Variants in XIRP1 observed in about 807,000 individuals in gnomAD.
The protein encoded by XIRP1 is xin actin-binding repeat-containing protein 1.
For missense variants in XIRP1, 2,378 were observed against 2,345.4 expected (o/e 1.01, Z -0.29); for synonymous variants, 984 against 947.0 (o/e 1.04, Z -0.72).
chr3:39,185,892 G>C lies in XIRP1; in HGVS notation c.3554C>G (p.Pro1185Arg). The change falls in exon 2 of 2, where the codon CCA (proline) becomes CGA (arginine). Residue 1185 changes from proline to arginine, a missense_variant. By Grantham distance (103) the Pro-to-Arg change is moderately radical. Coordinates refer to ENST00000340369, the MANE Select transcript of XIRP1 (RefSeq NM_194293.4). ...CCGCCCTGGCCCAGTACTCTGACCT[G>C]GGCCTCCCTGGAGTGGGCGGGGAGC... ...VQAPRPLQGGPGQSTGPGREE... is the reference protein window; with the variant it reads ...VQAPRPLQGGRGQSTGPGREE... 1 of 1,613,542 alleles carries C rather than the reference G, an allele frequency of 6.2e-7. No homozygotes were observed. Among genetic ancestry groups the C allele is most frequent in the Non-Finnish European group, 8.5e-7 (1 of 1,179,734 alleles).
rs373545377 is a variant in XIRP1 at position 39,186,238 on chromosome 3, G to T, written c.3208C>A (p.Gln1070Lys). 2.0e-5 allele frequency: 33 copies of T among 1,613,708 alleles called. No individual in the cohort carries two copies. The highest frequency in any genetic ancestry group is 2.7e-5 in the Non-Finnish European group (32 of 1,179,924). Residue 1070 changes from glutamine to lysine, a missense_variant, in exon 2 of 2, where the codon CAG becomes AAG. Coordinates refer to ENST00000340369, the MANE Select transcript of XIRP1 (RefSeq NM_194293.4). ...TGCTTGTGCTTGTTCAGAACTTGCT[G>T]GTGCAGGCTCTGGGCTTCAGCTGTT... ...MATAEAQSLH[Q>K]QVLNKHKQGP...
At position 39,183,830 on chromosome 3, in the gene XIRP1, G is replaced by A. The variant is rs932593406; in HGVS notation, c.*84C>T. 2.7e-6 allele frequency: 4 copies of A among 1,490,986 alleles called. No individual in the cohort carries two copies. The African/African-American group carries it at 4.2e-5, about 16-fold the overall frequency. 92.4% of individuals were successfully genotyped at this position (1,490,986 alleles called of 1,614,324 possible). A position where few individuals can be genotyped will look rare whatever the true frequency, so the allele number is the denominator to read the frequency against. On this transcript the variant is annotated 3_prime_UTR_variant, in exon 2 of 2. Coordinates refer to ENST00000340369, the MANE Select transcript of XIRP1 (RefSeq NM_194293.4). ...CCATTTCCTCTTGGTCCTTGCTCCA[G>A]TGTACAGGAGGCAGGTACCCACTTC... is the stretch of plus-strand genomic sequence containing the variant.
chr3:39,188,487 C>T lies in XIRP1; in HGVS notation c.959G>A (p.Arg320Gln), dbSNP rs34001521. ...IFETQPLDAI[R>Q]EILVDEKDFQ... ...GTCCTTCTCATCTACCAAGATCTCC[C>T]GGATGGCATCCAGGGGCTGTGTCTC... Residue 320 changes from arginine to glutamine, a missense_variant, in exon 2 of 2, where the codon CGG becomes CAG. Physicochemically the swap from Arg to Gln is conservative, Grantham distance 43. Coordinates refer to ENST00000340369, the MANE Select transcript of XIRP1 (RefSeq NM_194293.4). The T allele has an allele frequency of 4.2e-4, 666 of 1,603,166 alleles. 3 individuals carry two copies. In the African/African-American group the frequency reaches 6.6e-3, roughly 16 times the overall value.
rs750661412 is a variant in XIRP1 at position 39,184,988 on chromosome 3, T to C, written c.4458A>G (p.Ala1486=). 16 of 1,522,882 alleles carry C rather than the reference T, an allele frequency of 1.1e-5. 1 individual carries two copies. The South Asian group carries it at 2.1e-4, about 20-fold the overall frequency. 94.3% of individuals were successfully genotyped at this position (1,522,882 alleles called of 1,614,324 possible). A position where few individuals can be genotyped will look rare whatever the true frequency, so the allele number is the denominator to read the frequency against. Residue 1486 remains alanine (A), a synonymous_variant, in exon 2 of 2, where the codon GCA becomes GCG. Transcript: ENST00000340369. ...GCAGGGCCTGCACGTCCACACTGCT[T>C]GCGGCCTCCTTCTCCAGGGCTTGCA... The part of the protein sequence containing the change: ...NQVQALEKEA[A]SSVDVQALRR...
Position 39,184,418 on chromosome 3 carries a change from C to A in XIRP1, c.5028G>T (p.Gln1676His), listed in dbSNP as rs367702095. 4 of 1,614,170 alleles carry A rather than the reference C, an allele frequency of 2.5e-6. No individual in the cohort carries two copies. The Admixed American group carries it at 6.7e-5, about 27-fold the overall frequency. Reference sequence around the variant, plus strand: ...TCTCTAGAGGCTTCCTTGTGGCCGACTGGATGGAGATAAATGTTGGGGAGG... The same window carrying A: ...TCTCTAGAGGCTTCCTTGTGGCCGAATGGATGGAGATAAATGTTGGGGAGG... ...SPSSPTFISI[Q>H]SATRKPLETP... The change falls in exon 2 of 2, where the codon CAG becomes CAT. Residue 1676 changes from glutamine (Q) to histidine (H), a missense_variant. Coordinates refer to ENST00000340369, the MANE Select transcript of XIRP1 (RefSeq NM_194293.4).
rs1325992395 is a variant in XIRP1 at position 39,185,959 on chromosome 3, C to T, written c.3487G>A (p.Glu1163Lys). ...GTCTCCCTGTGCCTTGACTGGGGTTCCCTCTGAGAAAGCTGGACACCCCCA... is the reference window on the plus strand; with the variant it reads ...GTCTCCCTGTGCCTTGACTGGGGTTTCCTCTGAGAAAGCTGGACACCCCCA... ...PPGGVQLSQR[E>K]PQSRHRETAL... The change falls in exon 2 of 2, where the codon GAA becomes AAA. Residue 1163 changes from glutamate (E) to lysine (K), a missense_variant. Glu to Lys is a moderately conservative substitution (Grantham distance 56). Coordinates refer to ENST00000340369, the MANE Select transcript of XIRP1 (RefSeq NM_194293.4). 1.9e-6 allele frequency: 3 copies of T among 1,614,054 alleles called. No homozygotes were observed. Among genetic ancestry groups the T allele is most frequent in the East Asian group, 4.5e-5 (2 of 44,878 alleles).
chr3:39,186,764 C>G lies in XIRP1; in HGVS notation c.2682G>C (p.Gly894=). 2 of 1,614,040 alleles carry G rather than the reference C, an allele frequency of 1.2e-6. No individual in the cohort carries two copies. The highest frequency in any genetic ancestry group is 1.7e-6 in the Non-Finnish European group (2 of 1,180,018). The part of the protein sequence containing the change: ...CGLGTSVART[G]LVMQETEQGL... The stretch of plus-strand genomic sequence containing the variant: ...CCTGCTCTGTCTCCTGCATCACCAG[C>G]CCAGTCCTTGCCACGGAGGTCCCAA... Residue 894 remains glycine (G), a synonymous_variant, in exon 2 of 2, where the codon GGG becomes GGC. Coordinates refer to ENST00000340369, the MANE Select transcript of XIRP1 (RefSeq NM_194293.4).
At position 39,184,895 on chromosome 3, in the gene XIRP1, CT is replaced by C; in HGVS notation, c.4550del (p.Lys1517SerfsTer13). 1 of 1,594,140 alleles carries C rather than the reference CT, an allele frequency of 6.3e-7. No individual in the cohort carries two copies. Among genetic ancestry groups the C allele is most frequent in the Non-Finnish European group, 8.6e-7 (1 of 1,168,060 alleles). On this transcript the variant is annotated frameshift_variant, in exon 2 of 2. Coordinates refer to ENST00000340369, the MANE Select transcript of XIRP1 (RefSeq NM_194293.4). LOFTEE classifies it low-confidence loss of function (END_TRUNC). ...AAPQAPAAHQ[K>X]PEASVEQAFG... is the part of the protein sequence containing the mutation. ...AGGCCTGCTCCACTGAGGCCTCGGG[CT>C]TTTGGTGGGCAGCAGGAGCCTGAGG...
chr3:39,184,289 A>G lies in XIRP1; in HGVS notation c.5157T>C (p.Thr1719=), dbSNP rs2039921118. 1 of 1,614,126 alleles carries G rather than the reference A, an allele frequency of 6.2e-7. No individual in the cohort carries two copies. Among genetic ancestry groups the G allele is most frequent in the Non-Finnish European group, 8.5e-7 (1 of 1,180,016 alleles). ...AGCACTGGGTGATGTCCTTCTTCCC[A>G]GTTTTGTCTTGGACACCTTTCTGGT... The part of the protein sequence containing the change: ...LLHQKGVQDK[T]GKKDITQCSV... Residue 1719 remains threonine (T), a synonymous_variant, in exon 2 of 2, where the codon ACT becomes ACC. Transcript: ENST00000340369.
Position 39,184,884 on chromosome 3 carries a change from G to A in XIRP1, c.4562C>T (p.Ser1521Leu), listed in dbSNP as rs1359836383. The A allele has an allele frequency of 1.3e-6, 2 of 1,598,960 alleles. No individual in the cohort carries two copies. The highest frequency in any genetic ancestry group is 4.5e-5 in the East Asian group (2 of 44,564). Residue 1521 changes from serine to leucine, a missense_variant, in exon 2 of 2, where the codon TCA becomes TTA. Coordinates refer to ENST00000340369, the MANE Select transcript of XIRP1 (RefSeq NM_194293.4). ...APAAHQKPEA[S>L]VEQAFGELTR... ...CAGCTCCCCAAAGGCCTGCTCCACT[G>A]AGGCCTCGGGCTTTTGGTGGGCAGC...
rs1309382826 is a variant in XIRP1 at position 39,187,211 on chromosome 3, G to C, written c.2235C>G (p.Ile745Met). 6.3e-7 allele frequency: 1 copy of C among 1,592,180 alleles called. No individual in the cohort carries two copies. Among genetic ancestry groups the C allele is most frequent in the South Asian group, 1.1e-5 (1 of 89,362 alleles). ...GCTCTTCCAGGAGGTTGCCCCCTTG[G>C]ATGCTCTCAGCTGCCAGGGAGCCCA... Reference protein sequence around the residue: ...CPMGSLAAESIQGGNLLEEQP... With the variant: ...CPMGSLAAESMQGGNLLEEQP... The change falls in exon 2 of 2, where the codon ATC becomes ATG. Residue 745 changes from isoleucine (I) to methionine (M), a missense_variant. Physicochemically the swap from Ile to Met is conservative, Grantham distance 10 (BLOSUM62 1). Coordinates refer to ENST00000340369, the MANE Select transcript of XIRP1 (RefSeq NM_194293.4).
chr3:39,188,597 C>T lies in XIRP1; in HGVS notation c.849G>A (p.Gln283=), dbSNP rs757222470. The change falls in exon 2 of 2, where the codon CAG becomes CAA. Residue 283 remains glutamine (Q), a synonymous_variant. Coordinates refer to ENST00000340369, the MANE Select transcript of XIRP1 (RefSeq NM_194293.4). The stretch of plus-strand genomic sequence containing the variant: ...GGATCACCCGCACCTGGCTGGGGTC[C>T]TGGTTGATGGCGTCCAGAGGCCGGG... ...FETRPLDAIN[Q]DPSQVRVIRG... 1.9e-6 allele frequency: 3 copies of T among 1,613,840 alleles called. No homozygotes were observed. Among genetic ancestry groups the T allele is most frequent in the Non-Finnish European group, 2.5e-6 (3 of 1,179,968 alleles).
chr3:39,185,067 C>G lies in XIRP1; in HGVS notation c.4379G>C (p.Ser1460Thr). The change falls in exon 2 of 2, where the codon AGC becomes ACC. Residue 1460 changes from serine (S) to threonine (T), a missense_variant. Transcript: ENST00000340369. Reference sequence around the variant, plus strand: ...CTGGTTTCTTTGCAGACTGTCAGGGCTCTCAGGGGCCCCTTGGTGGGAACC... The same window carrying G: ...CTGGTTTCTTTGCAGACTGTCAGGGGTCTCAGGGGCCCCTTGGTGGGAACC... The part of the protein sequence containing the change: ...MEGSHQGAPE[S>T]PDSLQRNQKE... The G allele has an allele frequency of 6.6e-7, 1 of 1,523,850 alleles. No individual in the cohort carries two copies. The highest frequency in any genetic ancestry group is 1.3e-5 in the South Asian group (1 of 75,068). 94.4% of individuals were successfully genotyped at this position (1,523,850 alleles called of 1,614,324 possible). A position where few individuals can be genotyped will look rare whatever the true frequency, so the allele number is the denominator to read the frequency against.
At position 39,187,687 on chromosome 3, in the gene XIRP1, G is replaced by A. The variant is rs547803562; in HGVS notation, c.1759C>T (p.Pro587Ser). The stretch of plus-strand genomic sequence containing the variant: ...CGGATGGTCTGCACATCGCCCTTTG[G>A]GGGTGCCTCAGGCTGGGGGTCTCCC... ...SQGDPQPEAP[P>S]KGDVQTIRWL... is the part of the protein sequence containing the mutation. Residue 587 changes from proline (P) to serine (S), a missense_variant, in exon 2 of 2, where the codon CCA becomes TCA. Coordinates refer to ENST00000340369, the MANE Select transcript of XIRP1 (RefSeq NM_194293.4). 1 of 1,614,032 alleles carries A rather than the reference G, an allele frequency of 6.2e-7. No individual in the cohort carries two copies. The highest frequency in any genetic ancestry group is 1.3e-5 in the African/African-American group (1 of 75,052).
In XIRP1 at chr3:39,188,823, G is replaced by A. The variant is rs746343543; in HGVS notation, c.623C>T (p.Ser208Phe). 9.3e-6 allele frequency: 15 copies of A among 1,613,108 alleles called. No individual in the cohort carries two copies. Among genetic ancestry groups the A allele is most frequent in the Non-Finnish European group, 1.2e-5 (14 of 1,180,034 alleles). Residue 208 changes from serine to phenylalanine, a missense_variant, in exon 2 of 2, where the codon TCC (serine) becomes TTC (phenylalanine). Ser to Phe is a radical substitution (Grantham distance 155). Transcript: ENST00000340369. ...TTCCAAGGGGCTCTGCTCCTGCAGG[G>A]AGGGGCGGGAGCCCAGGCGGTCCAG... is the stretch of plus-strand genomic sequence containing the variant. ...RPLDRLGSRP[S>F]LQEQSPLELR... is the part of the protein sequence containing the mutation.
Position 39,188,769 on chromosome 3 carries a change from C to T in XIRP1, c.677G>A (p.Gly226Asp). 1 of 1,613,708 alleles carries T rather than the reference C, an allele frequency of 6.2e-7. No individual in the cohort carries two copies. The highest frequency in any genetic ancestry group is 2.2e-5 in the East Asian group (1 of 44,882). ...GAGCTTCACTGTCTTTTTCACATCA[C>T]CCTTCAGCTCCTGGATCTCTGAGCG... is the stretch of plus-strand genomic sequence containing the variant. ...ELRSEIQELK[G>D]DVKKTVKLFQ... is the part of the protein sequence containing the mutation. The change falls in exon 2 of 2, where the codon GGT becomes GAT. Residue 226 changes from glycine to aspartate, a missense_variant. Coordinates refer to ENST00000340369, the MANE Select transcript of XIRP1 (RefSeq NM_194293.4).
In XIRP1 at chr3:39,188,830, G is replaced by A. The variant is rs139594931; in HGVS notation, c.616C>T (p.Arg206Cys). The A allele has an allele frequency of 5.7e-5, 92 of 1,612,864 alleles. 1 individual carries two copies. The highest frequency in any genetic ancestry group is 3.3e-4 in the Middle Eastern group (2 of 6,060). Reference protein sequence around the residue: ...ETRPLDRLGSRPSLQEQSPLE... With the variant: ...ETRPLDRLGSCPSLQEQSPLE... Reference sequence around the variant, plus strand: ...GGGCTCTGCTCCTGCAGGGAGGGGCGGGAGCCCAGGCGGTCCAGCGGCCGC... The same window carrying A: ...GGGCTCTGCTCCTGCAGGGAGGGGCAGGAGCCCAGGCGGTCCAGCGGCCGC... Residue 206 changes from arginine (R) to cysteine (C), a missense_variant, in exon 2 of 2, where the codon CGC becomes TGC. By Grantham distance (180) the Arg-to-Cys change is radical. Coordinates refer to ENST00000340369, the MANE Select transcript of XIRP1 (RefSeq NM_194293.4).
At position 39,188,714 on chromosome 3, in the gene XIRP1, C is replaced by CT. The variant is rs2040035811; in HGVS notation, c.731dup (p.Asp245GlyfsTer8). 2.5e-6 allele frequency: 4 copies of CT among 1,613,780 alleles called. No individual in the cohort carries two copies. The African/African-American group carries it at 5.3e-5, about 21-fold the overall frequency. On this transcript the variant is annotated frameshift_variant, in exon 2 of 2. Coordinates refer to ENST00000340369, the MANE Select transcript of XIRP1 (RefSeq NM_194293.4). LOFTEE classifies it low-confidence loss of function (END_TRUNC). ...CCTCATGGATGGCGCCCTCTGCATC[C>CT]TGGATGGCACACAGGGGCTCCGTTT...
chr3:39,183,638 G>A lies in XIRP1; in HGVS notation c.*276C>T. 1 of 478,784 alleles carries A rather than the reference G, an allele frequency of 2.1e-6. No homozygotes were observed. Among genetic ancestry groups the A allele is most frequent in the Non-Finnish European group, 3.7e-6 (1 of 273,924 alleles). The allele number at this position is 478,784 out of a possible 1,614,324, so 29.7% of individuals were successfully genotyped here. On this transcript the variant is annotated 3_prime_UTR_variant, in exon 2 of 2. Transcript: ENST00000340369. ...AGGCCTGTGTGAAAAACATGTGTGT[G>A]TCTGTATATATTACATCCTCCACAA...
Sources: gnomAD v4.1 joint callset for allele counts on GRCh38, gnomAD v4.1.1 for gene constraint, MANE v1.5 for transcripts, NCBI Gene and HGNC (gene_info 2026-07-23, HGNC 2026-07-21) for gene names.